DLG2: variants seen among roughly 807,000 people sequenced by gnomAD.
DLG2 encodes discs large MAGUK scaffold protein 2.
In DLG2, 45 loss-of-function variants were observed where a neutral mutation model predicts 132.5. That is an observed-to-expected ratio of 0.34 (90% CI 0.27 to 0.44). DLG2 has a LOEUF of 0.44. Ranked by LOEUF, DLG2 falls within the 20% of genes least tolerant of loss-of-function variation. The probability of loss-of-function intolerance (pLI) is 1.00; values close to 1 mark genes in which losing one functional copy is unlikely to be tolerated. For missense variants in DLG2, 1,045 were observed against 1,196.9 expected (o/e 0.87, Z 1.87); for synonymous variants, 424 against 419.6 (o/e 1.01, Z -0.13).
rs766116883 is a variant in DLG2 at position 85,111,660 on chromosome 11, C to G, written c.357+1G>C. On this transcript the variant is annotated splice_donor_variant, in intron 6 of 27. Coordinates refer to ENST00000376104, the MANE Select transcript of DLG2 (RefSeq NM_001142699.3). LOFTEE classifies it high-confidence loss of function. Reference sequence around the variant, plus strand: ...GCTAATCTTGGAATAATCAAACTTACAGTACAGTGGTGGACAGGCATCCAA... The same window carrying G: ...GCTAATCTTGGAATAATCAAACTTAGAGTACAGTGGTGGACAGGCATCCAA... The G allele has an allele frequency of 6.4e-7, 1 of 1,553,746 alleles. No individual in the cohort carries two copies. The highest frequency in any genetic ancestry group is 2.4e-5 in the East Asian group (1 of 41,508).
Position 83,471,654 on chromosome 11 carries a change from G to A in DLG2, c.2418C>T (p.Phe806=), listed in dbSNP as rs1411057007. The change falls in exon 24 of 28, where the codon TTC becomes TTT. Residue 806 remains phenylalanine, a synonymous_variant. Transcript: ENST00000376104. ...DRINDDLISE[F]PDKFGSCVPH... ...GCACACAGGAGCCAAATTTATCAGG[G>A]AATTCAGATATCAAGTCGTCATTGA... 2 of 1,613,072 alleles carry A rather than the reference G, an allele frequency of 1.2e-6. No homozygotes were observed. The highest frequency in any genetic ancestry group is 2.2e-5 in the South Asian group (2 of 91,026).
intron 6 of DLG2, among the ~76,000 whole-genome samples, chr11:84,538,574 C>A (rs1224665122): frequency 6.6e-6 from 1 of 151,984 alleles, no homozygotes; most frequent in African/African-American, 2.4e-5. Flanking sequence ...TGCACAGTTC[C>A]TTTGTGCTTC....
At chr11:85,015,725 T>C (rs2059521009) in intron 6 of DLG2, among the ~76,000 whole-genome samples, 1 of 152,160 alleles carries the variant, frequency 6.6e-6, no homozygotes, top group Non-Finnish European at 1.5e-5. Context: ...ACTTAGAAAG[T>C]ATATACTCAG....
At chr11:84,732,773 C>T (rs964989687) in intron 6 of DLG2, among the ~76,000 whole-genome samples, 1 of 151,790 alleles carries the variant, frequency 6.6e-6, no homozygotes, top group East Asian at 1.9e-4. Flanking sequence ...AGGTATATCT[C>T]CTAATGCTAT....
intron 3 of DLG2, among the ~76,000 whole-genome samples, chr11:85,431,924 T>TGTTCCTA (rs2091212545): frequency 6.6e-6 from 1 of 152,142 alleles, no homozygotes. Context: ...TGGCATCAGG[T>TGTTCCTA]CGGTGCCCCT....
intron 5 of DLG2, chr11:85,133,057 T>C (rs2152414651): frequency 2.9e-6 from 1 of 343,756 alleles, no homozygotes; most frequent in South Asian, 2.3e-5. Flanking sequence ...GCTCCGTGGC[T>C]GCATGGTCTT....
intron 19 of DLG2, among the ~76,000 whole-genome samples, chr11:83,553,503 T>TGTGTGTGC (rs1356833721): frequency 6.7e-6 from 1 of 149,620 alleles, no homozygotes; most frequent in Non-Finnish European, 1.5e-5. Flanking sequence ...TGTGTGTGTG[T>TGTGTGTGC]GTGTGTGTGT....
intron 4 of DLG2, among the ~76,000 whole-genome samples, chr11:85,239,332 G>T (rs535696388): frequency 5.9e-5 from 9 of 152,046 alleles, no homozygotes; most frequent in African/African-American, 2.2e-4. Flanking sequence ...ACCATGTATG[G>T]TCTATAAATG....
chr11:83,790,585 T>A, intron 17 of DLG2: 3 of 1,316,674 alleles, frequency 2.3e-6, no homozygotes, highest in Non-Finnish European at 3.3e-6. Context: ...TGGGCTTCTG[T>A]GCCAGTAAGT....
intron 16 of DLG2, among the ~76,000 whole-genome samples, chr11:83,870,521 C>T (rs944181562): frequency 6.6e-6 from 1 of 152,052 alleles, no homozygotes; most frequent in Non-Finnish European, 1.5e-5. Context: ...TTGATAGGCA[C>T]TTAGGTTGAT....
intron 15 of DLG2, among the ~76,000 whole-genome samples, chr11:83,907,936 C>T (rs1347101165): frequency 1.3e-5 from 2 of 152,280 alleles, no homozygotes; most frequent in Admixed American, 6.5e-5. Context: ...TGCCTAAGTT[C>T]AACTGACCAT....
intron 6 of DLG2, among the ~76,000 whole-genome samples, chr11:84,650,548 A>G (rs1334209025): frequency 6.6e-6 from 1 of 152,084 alleles, no homozygotes; most frequent in African/African-American, 2.4e-5. Flanking sequence ...AATCTTGTTT[A>G]TTTTGTTTAC....
intron 2 of DLG2, among the ~76,000 whole-genome samples, chr11:85,621,041 T>C (rs2081656823): frequency 6.6e-6 from 1 of 152,218 alleles, no homozygotes; most frequent in African/African-American, 2.4e-5. Flanking sequence ...CTGGTGACTT[T>C]ACGTTGAAGC....
At chr11:84,203,917 A>G (rs1352797656) in intron 8 of DLG2, among the ~76,000 whole-genome samples, 1 of 152,142 alleles carries the variant, frequency 6.6e-6, no homozygotes, top group African/African-American at 2.4e-5. Flanking sequence ...CATCCTGCAC[A>G]TGTGTCCCTG....
chr11:84,035,477 G>T (rs756747328), intron 11 of DLG2, among the ~76,000 whole-genome samples: 1 of 152,188 alleles, frequency 6.6e-6, no homozygotes, highest in Non-Finnish European at 1.5e-5. Flanking sequence ...ACAAAGAATA[G>T]CCAACTACAA....
Position 83,918,625 on chromosome 11 carries a change from C to A in DLG2, c.1496+11703G>T, listed in dbSNP as rs907786092. ...GTCACAAGAATCCCAGAGGAAAAGG[C>A]TCCAGTATGAAAATCAGGGCAGGGA... On this transcript the variant is annotated intron_variant, in intron 15 of 27. Transcript: ENST00000376104. Among the ~76,000 whole-genome samples the A allele has an allele frequency of 3.9e-5, 6 of 152,264 alleles. No homozygotes were observed. In the South Asian group the frequency reaches 1.2e-3, roughly 32 times the overall value.
chr11:84,715,440 T>A (rs1343582833), intron 6 of DLG2, among the ~76,000 whole-genome samples: 3 of 152,092 alleles, frequency 2.0e-5, no homozygotes, highest in Non-Finnish European at 4.4e-5. Flanking sequence ...TACAATCCAA[T>A]ATTAACTATA....
At chr11:83,862,482 G>A (rs1006213070) in intron 16 of DLG2, among the ~76,000 whole-genome samples, 4 of 151,920 alleles carry the variant, frequency 2.6e-5, no homozygotes, top group Admixed American at 1.3e-4. Context: ...TGGTTAATGG[G>A]TACAAAAATA....
chr11:84,391,914 G>A (rs745433131), intron 7 of DLG2, among the ~76,000 whole-genome samples: 3 of 152,216 alleles, frequency 2.0e-5, no homozygotes, highest in East Asian at 3.9e-4. Flanking sequence ...TGCCACCAGC[G>A]TTAGTTTTCC....
Sources: gnomAD v4.1 joint callset for allele counts (sites outside exome capture counted in the v4.1 genomes callset) on GRCh38, gnomAD v4.1.1 for gene constraint, MANE v1.5 for transcripts, NCBI Gene and HGNC (gene_info 2026-07-23, HGNC 2026-07-21) for gene names.